Variants in SLC26A8 observed in about 807,000 individuals in gnomAD.
The protein encoded by SLC26A8 is solute carrier family 26 member 8.
Under a neutral mutation model 105.0 loss-of-function variants are expected in SLC26A8, and 70 were observed. That is an observed-to-expected ratio of 0.67 (90% CI 0.55 to 0.81). SLC26A8 has a LOEUF of 0.81. SLC26A8 is among the 40% of genes least tolerant of loss of function. The pLI is 0.00. For missense variants in SLC26A8, 998 were observed against 1,181.8 expected (o/e 0.84, Z 2.28); for synonymous variants, 415 against 438.3 (o/e 0.95, Z 0.66).
intron 2 of SLC26A8, among the ~76,000 whole-genome samples, chr6:36,013,205 T>A (rs1317448437): frequency 6.6e-6 from 1 of 152,006 alleles, no homozygotes; most frequent in Non-Finnish European, 1.5e-5. Flanking sequence ...GAGACTTTTT[T>A]TTTTTTTTTT....
rs1762214626 is a variant in SLC26A8 at position 36,024,599 on chromosome 6, C to T, written c.-98G>A. ...GCGGACGCGGATACCGGCGGCGGTT[C>T]CCGAGCCGTTGTGGCCTAGCCCGCG... On this transcript the variant is annotated 5_prime_UTR_variant, in exon 1 of 20. Transcript: ENST00000490799. 2.7e-6 allele frequency: 1 copy of T among 372,452 alleles called. No homozygotes were observed. The highest frequency in any genetic ancestry group is 2.0e-5 in the South Asian group (1 of 50,218). The allele number at this position is 372,452 out of a possible 1,614,324, so 23.1% of individuals were successfully genotyped here. A position where few individuals can be genotyped will look rare whatever the true frequency, so the allele number is the denominator to read the frequency against.
At position 36,019,531 on chromosome 6, in the gene SLC26A8, G is replaced by A. The variant is rs142576626; in HGVS notation, c.177C>T (p.His59=). Residue 59 remains histidine, a synonymous_variant, in exon 2 of 20, where the codon CAC becomes CAT. Transcript: ENST00000490799. ...TTGGACACACGCACCGGCACTGGAC[G>A]TGGTGTCTGAAGGTGGTGATGTTGA... is the stretch of plus-strand genomic sequence containing the variant. ...MNINITTFRH[H]VQCRCSWHRF... The A allele has an allele frequency of 2.5e-6, 4 of 1,613,338 alleles. No individual in the cohort carries two copies. The highest frequency in any genetic ancestry group is 1.3e-5 in the African/African-American group (1 of 75,014).
rs1773276630 is a variant in SLC26A8, at chr6:35,981,793, C to T, written c.1025+328G>A. The stretch of plus-strand genomic sequence containing the variant: ...AAAACCGAGGCATCTCTTGTCCACC[C>T]CTTGAGAATTAATCAGAGAGGTATA... On this transcript the variant is annotated intron_variant, in intron 8 of 19. Transcript: ENST00000490799. The surrounding 1 kb of genome is among the most constrained non-coding windows in gnomAD (Gnocchi z 4.0). Among the ~76,000 whole-genome samples the T allele has an allele frequency of 6.6e-6, 1 of 152,124 alleles. No individual in the cohort carries two copies. The highest frequency in any genetic ancestry group is 6.5e-5 in the Admixed American group (1 of 15,268).
At chr6:35,986,802 T>A (rs887116539) in intron 7 of SLC26A8, among the ~76,000 whole-genome samples, 51 of 152,344 alleles carry the variant, frequency 3.3e-4, no homozygotes, top group Non-Finnish European at 5.3e-4. Flanking sequence ...CACATTTTTT[T>A]AAAAATCATT....
chr6:35,959,660 A>G (rs1017560131), intron 15 of SLC26A8, 54 bp downstream of exon 15: 2 of 1,606,782 alleles, frequency 1.2e-6, no homozygotes, highest in Middle Eastern at 3.3e-4. Flanking sequence ...TGGGAGAGAG[A>G]TGCCAGTGGC....
chr6:36,023,857 G>C (rs1226617981), intron 1 of SLC26A8, among the ~76,000 whole-genome samples: 6 of 152,290 alleles, frequency 3.9e-5, no homozygotes, highest in African/African-American at 1.4e-4. Flanking sequence ...AGATCCTTTA[G>C]TCACTCTGGC....
At chr6:35,966,016 A>G (rs1369484110) in intron 11 of SLC26A8, among the ~76,000 whole-genome samples, 1 of 152,038 alleles carries the variant, frequency 6.6e-6, no homozygotes, top group Admixed American at 6.6e-5. Flanking sequence ...AAAAAAAAAA[A>G]AAAGATTTTC....
chr6:36,022,821 G>T (rs911570822), intron 1 of SLC26A8, among the ~76,000 whole-genome samples: 1 of 151,452 alleles, frequency 6.6e-6, no homozygotes, highest in Non-Finnish European at 1.5e-5. Context: ...TCATTTTCAT[G>T]TACTAGCAGG....
chr6:36,024,201 G>A (rs565524845), intron 1 of SLC26A8: 7 of 283,900 alleles, frequency 2.5e-5, no homozygotes, highest in South Asian at 1.6e-4. Context: ...TGGGGTGCAG[G>A]TAGCACGTCA....
intron 1 of SLC26A8, among the ~76,000 whole-genome samples, chr6:36,020,394 C>T (rs1223923436): frequency 6.6e-6 from 1 of 152,128 alleles, no homozygotes; most frequent in Non-Finnish European, 1.5e-5. Flanking sequence ...CATGGTGTAG[C>T]AGAAAAAGCT....
chr6:36,002,007 T>A (rs866213977), intron 3 of SLC26A8, among the ~76,000 whole-genome samples: 30 of 152,236 alleles, frequency 2.0e-4, no homozygotes, highest in African/African-American at 6.5e-4. Context: ...AATCTGTGTG[T>A]CTAAATCAGA....
At chr6:36,013,774 A>G (rs1457796041) in intron 2 of SLC26A8, among the ~76,000 whole-genome samples, 3 of 152,228 alleles carry the variant, frequency 2.0e-5, no homozygotes, top group Non-Finnish European at 4.4e-5. Flanking sequence ...TTGGGATTTG[A>G]CTACAACAAC....
intron 14 of SLC26A8, 179 bp from the exon 15 acceptor site, chr6:35,959,985 T>C (rs776921982): frequency 1.9e-5 from 9 of 479,350 alleles, no homozygotes; most frequent in African/African-American, 4.2e-5. Context: ...CTTGGCTCAC[T>C]GCAACCTCCG....
intron 5 of SLC26A8, 25 bp downstream of exon 5, chr6:35,997,713 A>C: frequency 6.2e-7 from 1 of 1,608,414 alleles, no homozygotes; most frequent in Non-Finnish European, 8.5e-7. Flanking sequence ...GTTCCTTTTC[A>C]GGGATTTGAA....
chr6:36,011,831 A>T (rs565174877), intron 3 of SLC26A8, among the ~76,000 whole-genome samples: 1 of 151,914 alleles, frequency 6.6e-6, no homozygotes, highest in Non-Finnish European at 1.5e-5. Flanking sequence ...CTGGTCTGGA[A>T]CTCCTGAGCT....
Position 35,981,846 on chromosome 6 carries a change from T to C in SLC26A8, c.1025+275A>G, listed in dbSNP as rs1170563170. On this transcript the variant is annotated intron_variant, in intron 8 of 19. Transcript: ENST00000490799. This position sits in a 1 kb window ranked among gnomAD's most constrained non-coding sequence, Gnocchi z 4.0. The stretch of plus-strand genomic sequence containing the variant: ...AGTTGAGAAGGCCTATCATGTGCTA[T>C]GAAAAAAAACATGAGATTCTCTGGT... Among the ~76,000 whole-genome samples the C allele has an allele frequency of 6.6e-6, 1 of 152,048 alleles. No individual in the cohort carries two copies. Among genetic ancestry groups the C allele is most frequent in the East Asian group, 1.9e-4 (1 of 5,192 alleles).
chr6:35,970,942 C>T (rs1045069958), intron 10 of SLC26A8, among the ~76,000 whole-genome samples: 2 of 152,020 alleles, frequency 1.3e-5, no homozygotes, highest in Non-Finnish European at 2.9e-5. Flanking sequence ...GCAGGAGAAT[C>T]GTTTGCACCT....
At chr6:35,959,173 T>C (rs1022612172) in intron 16 of SLC26A8, among the ~76,000 whole-genome samples, 24 of 152,082 alleles carry the variant, frequency 1.6e-4, no homozygotes, top group Non-Finnish European at 3.1e-4. Context: ...AGAATTACAG[T>C]CTCAACAGGC....
intron 7 of SLC26A8, among the ~76,000 whole-genome samples, chr6:35,986,251 A>G (rs1773520743): frequency 6.6e-6 from 1 of 151,920 alleles, no homozygotes; most frequent in Non-Finnish European, 1.5e-5. Context: ...CCAGGCTGGT[A>G]TCGAACTCCT....
Sources: allele counts gnomAD v4.1 joint callset (sites outside exome capture counted in the v4.1 genomes callset), GRCh38; gene constraint gnomAD v4.1.1; non-coding constraint Gnocchi (gnomAD v3.1); transcripts MANE v1.5; gene names NCBI Gene and HGNC (gene_info 2026-07-23, HGNC 2026-07-21).